CCN4: variants seen among roughly 807,000 people sequenced by gnomAD.
CCN4 encodes cellular communication network factor 4.
CCN4 carries 30 observed loss-of-function variants against 36.7 expected under a neutral mutation model. The ratio of observed to expected loss-of-function variants is 0.82; its 90% CI spans 0.61 to 1.11. The LOEUF (loss-of-function observed/expected upper bound fraction) is 1.11. Ranked by LOEUF, CCN4 falls within the 50% of genes least tolerant of loss-of-function variation. CCN4 has a pLI of 0.00. For missense variants in CCN4, 505 were observed against 504.9 expected, an observed-to-expected ratio of 1.00 and a Z score of 0.00; for synonymous variants, 191 against 195.4, an observed-to-expected ratio of 0.98 and a Z score of 0.19.
At chr8:133,216,175 A>C (rs1230306038) in intron 2 of CCN4, among the ~76,000 whole-genome samples, 1 of 152,174 alleles carries the variant, frequency 6.6e-6, no homozygotes, top group Non-Finnish European at 1.5e-5. Flanking sequence ...AAAAGAATAC[A>C]CCTCTGGGCC....
intron 2 of CCN4, among the ~76,000 whole-genome samples, chr8:133,219,961 G>A (rs577491450): frequency 6.6e-6 from 1 of 152,220 alleles, no homozygotes; most frequent in African/African-American, 2.4e-5. Context: ...TTTCTAAACA[G>A]GGAAAGGGTT....
At chr8:133,196,912 A>G (rs1455237733) in intron 1 of CCN4, among the ~76,000 whole-genome samples, 1 of 152,178 alleles carries the variant, frequency 6.6e-6, no homozygotes, top group Non-Finnish European at 1.5e-5. Flanking sequence ...CCAGTTGGCT[A>G]GGAGGAGGGG....
At chr8:133,225,028 C>T (rs559903294) in intron 3 of CCN4, among the ~76,000 whole-genome samples, 13 of 152,152 alleles carry the variant, frequency 8.5e-5, no homozygotes, top group Admixed American at 3.3e-4. Context: ...TGTTGCCAGC[C>T]GCACAGGCAG....
intron 3 of CCN4, among the ~76,000 whole-genome samples, chr8:133,224,432 G>T (rs1854653182): frequency 6.6e-6 from 1 of 151,534 alleles, no homozygotes. Context: ...TAGAGATGGG[G>T]TTTCAACATG....
intron 2 of CCN4, among the ~76,000 whole-genome samples, chr8:133,214,411 C>T (rs10808610): frequency 1 from 151,890 of 151,890 alleles, 75,945 homozygotes; most frequent in Non-Finnish European, 1. Context: ...GGCTTTAATT[C>T]ACTTCCTTAT....
At chr8:133,195,170 GGT>G (rs1444920115) in intron 1 of CCN4, among the ~76,000 whole-genome samples, 1 of 145,942 alleles carries the variant, frequency 6.9e-6, no homozygotes, top group Non-Finnish European at 1.5e-5. Flanking sequence ...GTGTGTATGT[GGT>G]GTGTTTGTGT....
At chr8:133,202,957 C>T (rs1273881757) in intron 1 of CCN4, among the ~76,000 whole-genome samples, 1 of 152,268 alleles carries the variant, frequency 6.6e-6, no homozygotes, top group Non-Finnish European at 1.5e-5. Flanking sequence ...TCACGGTCCC[C>T]AGGGCTTCTC....
At chr8:133,198,818 C>G (rs972004308) in intron 1 of CCN4, among the ~76,000 whole-genome samples, 1 of 152,362 alleles carries the variant, frequency 6.6e-6, no homozygotes, top group South Asian at 2.1e-4. Flanking sequence ...AAAGCCAAGC[C>G]CTTTGTCGCT....
At position 133,229,556 on chromosome 8, in the gene CCN4, C is replaced by T. The variant is rs746479937; in HGVS notation, c.*1846C>T. ...ATATTGAATGTTGTGTAGTTATTCA[C>T]AGGGAATTCTGTGCAGTGTGCAGAG... On this transcript the variant is annotated 3_prime_UTR_variant, in exon 5 of 5. Transcript: ENST00000250160. 1 of 152,172 alleles carries T rather than the reference C, an allele frequency of 6.6e-6. No homozygotes were observed. The highest frequency in any genetic ancestry group is 1.5e-5 in the Non-Finnish European group (1 of 68,038). The allele number at this position is 152,172 out of a possible 1,614,324, so 9.4% of individuals were successfully genotyped here. A position where few individuals can be genotyped will look rare whatever the true frequency, so the allele number is the denominator to read the frequency against.
At chr8:133,207,169 T>G (rs1421087034) in intron 1 of CCN4, among the ~76,000 whole-genome samples, 1 of 152,208 alleles carries the variant, frequency 6.6e-6, no homozygotes, top group Non-Finnish European at 1.5e-5. Context: ...CCAGGAGAAG[T>G]TCTGGCCATG....
chr8:133,203,348 G>T (rs767108529), intron 1 of CCN4, among the ~76,000 whole-genome samples: 10 of 152,208 alleles, frequency 6.6e-5, no homozygotes, highest in Non-Finnish European at 1.3e-4. Flanking sequence ...CATAGTAGAC[G>T]CTTGGTACAT....
At chr8:133,218,796 G>A (rs1468574582) in intron 2 of CCN4, among the ~76,000 whole-genome samples, 2 of 152,066 alleles carry the variant, frequency 1.3e-5, no homozygotes, top group African/African-American at 4.8e-5. Context: ...AACTCTCCCT[G>A]ACTCCAAACT....
At position 133,227,932 on chromosome 8, in the gene CCN4, C is replaced by A; in HGVS notation, c.*222C>A. 2 of 554,488 alleles carry A rather than the reference C, an allele frequency of 3.6e-6. No homozygotes were observed. The highest frequency in any genetic ancestry group is 3.1e-6 in the Non-Finnish European group (1 of 319,326). The allele number at this position is 554,488 out of a possible 1,614,324, so 34.3% of individuals were successfully genotyped here. A position where few individuals can be genotyped will look rare whatever the true frequency, so the allele number is the denominator to read the frequency against. ...TCAGCATCTACTCTAAAGAAAAATG[C>A]CTGTCTCTAGCTGTTCTGGACTACA... On this transcript the variant is annotated 3_prime_UTR_variant, in exon 5 of 5. Coordinates refer to ENST00000250160, the MANE Select transcript of CCN4 (RefSeq NM_003882.4).
At chr8:133,224,722 G>A (rs1854663840) in intron 3 of CCN4, among the ~76,000 whole-genome samples, 1 of 152,030 alleles carries the variant, frequency 6.6e-6, no homozygotes, top group South Asian at 2.1e-4. Flanking sequence ...ATCACCTGAG[G>A]TCAGGAGTTT....
Position 133,220,588 on chromosome 8 carries a change from C to A in CCN4, c.357C>A (p.Val119=), listed in dbSNP as rs771373419. Residue 119 remains valine, a synonymous_variant, in exon 3 of 5, where the codon GTC becomes GTA. Coordinates refer to ENST00000250160, the MANE Select transcript of CCN4 (RefSeq NM_003882.4). Reference sequence around the variant, plus strand: ...GGCCACCTGTGTTTGCAGAGGTGGTCGGTGTGGGCTGCGTCCTGGATGGGG... The same window carrying A: ...GGCCACCTGTGTTTGCAGAGGTGGTAGGTGTGGGCTGCGTCCTGGATGGGG... ...RYAIGVCAQV[V]GVGCVLDGVR... The A allele has an allele frequency of 1.2e-6, 2 of 1,612,118 alleles. No individual in the cohort carries two copies. Among genetic ancestry groups the A allele is most frequent in the South Asian group, 1.1e-5 (1 of 91,002 alleles).
In CCN4 at chr8:133,227,556, C is replaced by T. The variant is rs1229896679; in HGVS notation, c.950C>T (p.Thr317Ile). 1 of 1,614,232 alleles carries T rather than the reference C, an allele frequency of 6.2e-7. No individual in the cohort carries two copies. The highest frequency in any genetic ancestry group is 8.5e-7 in the Non-Finnish European group (1 of 1,180,052). The change falls in exon 5 of 5, where the codon ACT becomes ATT. Residue 317 changes from threonine (T) to isoleucine (I), a missense_variant. Thr to Ile is a moderately conservative substitution (Grantham distance 89, BLOSUM62 -1). Transcript: ENST00000250160. ...NRCCIPYKSKTIDVSFQCPDG... is the reference protein window; with the variant it reads ...NRCCIPYKSKIIDVSFQCPDG... Reference sequence around the variant, plus strand: ...TGCTGCATCCCCTACAAGTCTAAGACTATCGACGTGTCCTTCCAGTGTCCT... The same window carrying T: ...TGCTGCATCCCCTACAAGTCTAAGATTATCGACGTGTCCTTCCAGTGTCCT...
chr8:133,225,729 G>A (rs548439245), intron 4 of CCN4, 146 bp downstream of exon 4: 110 of 713,340 alleles, frequency 1.5e-4, no homozygotes, highest in African/African-American at 6.1e-4. Context: ...CAGCTATTTC[G>A]GATAATGCAG....
At position 133,217,809 on chromosome 8, in the gene CCN4, T is replaced by C. The variant is rs1420937702; in HGVS notation, c.350-2772T>C. 2.0e-5 allele frequency among the ~76,000 whole-genome samples: 3 copies of C among 152,134 alleles called. No homozygotes were observed. The East Asian group carries it at 5.8e-4, about 29-fold the overall frequency. The stretch of plus-strand genomic sequence containing the variant: ...TTTTTAAAAGCTCCCCAGGTTCCCC[T>C]GGGGTTCCCCTGTGCAGCTGGTAGG... On this transcript the variant is annotated intron_variant, in intron 2 of 4. Transcript: ENST00000250160.
intron 1 of CCN4, among the ~76,000 whole-genome samples, chr8:133,204,147 ACTTAGGGGT>A (rs1458230260): frequency 6.6e-6 from 1 of 152,110 alleles, no homozygotes; most frequent in African/African-American, 2.4e-5. Flanking sequence ...GGGGTTAAGG[ACTTAGGGGT>A]CTTATCATCG....
Sources: gnomAD v4.1 joint callset for allele counts (sites outside exome capture counted in the v4.1 genomes callset) on GRCh38, gnomAD v4.1.1 for gene constraint, MANE v1.5 for transcripts, NCBI Gene and HGNC (gene_info 2026-07-23, HGNC 2026-07-21) for gene names.